Variants in LRP2 observed in about 807,000 individuals in gnomAD.
LRP2 encodes LDL receptor related protein 2.
LRP2 carries 172 observed loss-of-function variants against 531.0 expected under a neutral mutation model. That is an observed-to-expected ratio of 0.32 (90% CI 0.29 to 0.37). The LOEUF is 0.37. LRP2 is among the 10% of genes least tolerant of loss of function. LRP2 has a pLI of 1.00. For missense variants in LRP2, 5,167 were observed against 5,868.3 expected (o/e 0.88, Z 3.90); for synonymous variants, 1,992 against 2,027.6 (o/e 0.98, Z 0.47).
chr2:169,182,491 A>G, intron 50 of LRP2, 172 bp from the exon 51 acceptor site: 1 of 1,506,824 alleles, frequency 6.6e-7, no homozygotes, highest in Non-Finnish European at 8.8e-7. Flanking sequence ...TCCTGCAGTG[A>G]GGCAACAGAG....
At position 169,247,400 on chromosome 2, in the gene LRP2, C is replaced by G. The variant is rs138299719; in HGVS notation, c.2886G>C (p.Ser962=). The change falls in exon 20 of 79, where the codon TCG becomes TCC. Residue 962 remains serine (S), a synonymous_variant. Transcript: ENST00000649046. ...CACCAGTCTGGATGTTGACATCATACGATTTCAAATGCAGTATGTAAGCAA... is the reference window on the plus strand; with the variant it reads ...CACCAGTCTGGATGTTGACATCATAGGATTTCAAATGCAGTATGTAAGCAA... ...SGIAYILHLK[S]YDVNIQTGSN... is the part of the protein sequence containing the mutation. The G allele has an allele frequency of 2.9e-5, 47 of 1,614,110 alleles. 1 individual carries two copies. In the Middle Eastern group the frequency reaches 6.6e-4, roughly 23 times the overall value.
chr2:169,267,996 G>C (rs1683273975), intron 16 of LRP2, among the ~76,000 whole-genome samples: 1 of 152,082 alleles, frequency 6.6e-6, no homozygotes. Context: ...AAATAAACTA[G>C]AAAATCTAGA....
At chr2:169,360,128 C>CAAAAAAAAAAAAAAA (rs67818940) in intron 1 of LRP2, among the ~76,000 whole-genome samples, 10 of 105,036 alleles carry the variant, frequency 9.5e-5, no homozygotes, top group African/African-American at 3.8e-4. Context: ...CTGTCTCTCT[C>CAAAAAAAAAAAAAAA]AAAAAAAAAA....
chr2:169,316,727 T>C (rs1427141081), intron 3 of LRP2, among the ~76,000 whole-genome samples: 1 of 151,814 alleles, frequency 6.6e-6, no homozygotes, highest in Admixed American at 6.6e-5. Flanking sequence ...CCACAGAGGG[T>C]CACTAAAGTC....
intron 1 of LRP2, among the ~76,000 whole-genome samples, chr2:169,321,737 C>T (rs903677183): frequency 2.0e-5 from 3 of 151,904 alleles, no homozygotes; most frequent in African/African-American, 4.8e-5. Context: ...AACCAAAGAG[C>T]CAAAAACAAA....
chr2:169,287,541 C>T (rs1015617115), intron 9 of LRP2, among the ~76,000 whole-genome samples: 5 of 152,020 alleles, frequency 3.3e-5, no homozygotes, highest in African/African-American at 9.7e-5. Context: ...TTTTCAGTAA[C>T]GCTGAGGAGC....
intron 65 of LRP2, among the ~76,000 whole-genome samples, chr2:169,155,207 T>C (rs1199067175): frequency 6.6e-6 from 1 of 152,206 alleles, no homozygotes; most frequent in African/African-American, 2.4e-5. Flanking sequence ...TTAAGTTTAA[T>C]TTACTTGCAT....
intron 9 of LRP2, among the ~76,000 whole-genome samples, chr2:169,284,261 T>TTC: frequency 1.7e-5 from 2 of 120,114 alleles, no homozygotes; most frequent in South Asian, 6.1e-4. Context: ...TTTTTCTTTT[T>TTC]TTTTTTTTTT....
chr2:169,289,265 A>T, intron 8 of LRP2, 120 bp from the exon 9 acceptor site: 1 of 1,294,550 alleles, frequency 7.7e-7, no homozygotes, highest in Non-Finnish European at 1.1e-6. Flanking sequence ...GTACAGAAAA[A>T]TCTGTCACCC....
chr2:169,209,226 A>G (rs967427981), intron 38 of LRP2, among the ~76,000 whole-genome samples: 3 of 152,352 alleles, frequency 2.0e-5, no homozygotes, highest in Middle Eastern at 3.4e-3. Context: ...TTATGTTAAT[A>G]ACAGAAGAAA....
rs1255439271 is a variant in LRP2, at chr2:169,205,563, G to T, written c.7631C>A (p.Pro2544His). The T allele has an allele frequency of 6.2e-7, 1 of 1,614,002 alleles. No homozygotes were observed. The highest frequency in any genetic ancestry group is 8.5e-7 in the Non-Finnish European group (1 of 1,179,986). Reference sequence around the variant, plus strand: ...CATGACCAGACTGCTGTTCACAATGGGTACGCGGAAGTTTCCTCCCAATGT... The same window carrying T: ...CATGACCAGACTGCTGTTCACAATGTGTACGCGGAAGTTTCCTCCCAATGT... The part of the protein sequence containing the change: ...RATLGGNFRV[P>H]IVNSSLVMPS... The change falls in exon 41 of 79, where the codon CCC becomes CAC. Residue 2544 changes from proline (P) to histidine (H), a missense_variant. Pro to His is a moderately conservative substitution (Grantham distance 77, BLOSUM62 -2). Around this residue, in one of 6 missense-constraint regions of LRP2, gnomAD observed 1,129 missense variants for 1,362.7 expected, o/e 0.83. Coordinates refer to ENST00000649046, the MANE Select transcript of LRP2 (RefSeq NM_004525.3).
chr2:169,208,283 AG>A (rs1280956025), intron 38 of LRP2, among the ~76,000 whole-genome samples: 10 of 152,166 alleles, frequency 6.6e-5, no homozygotes, highest in Admixed American at 1.3e-4. Context: ...CACGGGCCAT[AG>A]TTTGCTGACT....
intron 4 of LRP2, among the ~76,000 whole-genome samples, chr2:169,301,534 A>ATG (rs1376151466): frequency 6.6e-6 from 1 of 152,142 alleles, no homozygotes; most frequent in Non-Finnish European, 1.5e-5. Flanking sequence ...ATATATATAT[A>ATG]TTCAAAAATT....
intron 9 of LRP2, among the ~76,000 whole-genome samples, chr2:169,287,270 T>C (rs1220324431): frequency 6.6e-6 from 1 of 152,202 alleles, no homozygotes; most frequent in Admixed American, 6.5e-5. Context: ...ATTTATAAAA[T>C]GTTTTAAAAT....
intron 13 of LRP2, 39 bp downstream of exon 13, chr2:169,277,706 C>A (rs1683592213): frequency 1.3e-6 from 2 of 1,569,898 alleles, no homozygotes; most frequent in Non-Finnish European, 1.8e-6. Context: ...ACTTTCCCTG[C>A]AACTTATAAA....
Position 169,301,210 on chromosome 2 carries a change from T to C in LRP2, c.427+6071A>G, listed in dbSNP as rs149848792. Among the ~76,000 whole-genome samples, 81 of 152,144 alleles carry C rather than the reference T, an allele frequency of 5.3e-4. No homozygotes were observed. In the East Asian group the frequency reaches 0.014, roughly 26 times the overall value. On this transcript the variant is annotated intron_variant, in intron 4 of 78. Transcript: ENST00000649046. ...TAATATGGTGCTTGAAAAAGCAAAA[T>C]AATCTTTTCACTTAACAGAAAAAAA... is the stretch of plus-strand genomic sequence containing the variant.
chr2:169,308,122 G>T (rs1443114182), intron 3 of LRP2, among the ~76,000 whole-genome samples: 1 of 152,006 alleles, frequency 6.6e-6, no homozygotes, highest in Non-Finnish European at 1.5e-5. Context: ...AAAGAGCTTT[G>T]GGGGAAAACG....
At position 169,128,329 on chromosome 2, in the gene LRP2, C is replaced by T. The variant is rs763542557; in HGVS notation, c.*334G>A. On this transcript the variant is annotated 3_prime_UTR_variant, in exon 79 of 79. Coordinates refer to ENST00000649046, the MANE Select transcript of LRP2 (RefSeq NM_004525.3). ...ATTCCTTTTCTTGTTGGATCATTTA[C>T]TATAATGATCACCAACCAAATCAGC... 3 of 232,308 alleles carry T rather than the reference C, an allele frequency of 1.3e-5. No homozygotes were observed. The highest frequency in any genetic ancestry group is 2.3e-5 in the African/African-American group (1 of 42,588). The allele number at this position is 232,308 out of a possible 1,614,324, so 14.4% of individuals were successfully genotyped here. A position where few individuals can be genotyped will look rare whatever the true frequency, so the allele number is the denominator to read the frequency against.
chr2:169,344,595 T>C (rs534529782), intron 1 of LRP2, among the ~76,000 whole-genome samples: 4 of 152,356 alleles, frequency 2.6e-5, no homozygotes, highest in Admixed American at 2.0e-4. Flanking sequence ...AAATAGAGCA[T>C]GTAAGACATC....
Sources: gnomAD v4.1 joint callset for allele counts (sites outside exome capture counted in the v4.1 genomes callset) on GRCh38, gnomAD v4.1.1 for gene constraint, gnomAD v4.1.1 regional missense constraint, MANE v1.5 for transcripts, NCBI Gene and HGNC (gene_info 2026-07-23, HGNC 2026-07-21) for gene names.